Variants in PDE1A observed in about 807,000 individuals in gnomAD.
PDE1A encodes dual specificity calcium/calmodulin-dependent 3',5'-cyclic nucleotide phosphodiesterase 1A.
Under a neutral mutation model 61.7 loss-of-function variants are expected in PDE1A, and 35 were observed. The observed-to-expected ratio is 0.57, with a 90% CI of 0.43 to 0.75. The LOEUF (loss-of-function observed/expected upper bound fraction) is 0.75, where lower values mean the gene tolerates loss of function less well. Among genes scored for constraint, PDE1A ranks in the 30% least tolerant of loss-of-function variants. The pLI is 0.00. For synonymous variants in PDE1A, 232 were observed against 213.2 expected (o/e 1.09, Z -0.77); for missense variants, 597 against 630.6 (o/e 0.95, Z 0.57).
intron 1 of PDE1A, among the ~76,000 whole-genome samples, chr2:182,334,821 A>G (rs1180963030): frequency 6.6e-6 from 1 of 152,224 alleles, no homozygotes; most frequent in Non-Finnish European, 1.5e-5. Flanking sequence ...AAATAGGAAG[A>G]GAGGAAGTCA....
intron 1 of PDE1A, among the ~76,000 whole-genome samples, chr2:182,271,939 T>C (rs1693057460): frequency 2.0e-5 from 3 of 152,076 alleles, no homozygotes; most frequent in African/African-American, 7.2e-5. Flanking sequence ...AAAAACATGC[T>C]ACTTTTTAAA....
At chr2:182,179,049 G>A (rs1684528399) in intron 13 of PDE1A, among the ~76,000 whole-genome samples, 1 of 152,146 alleles carries the variant, frequency 6.6e-6, no homozygotes, top group Non-Finnish European at 1.5e-5. Context: ...ACCCTGGATT[G>A]ACCAGGCTTA....
the PDE1A span, among the ~76,000 whole-genome samples, chr2:182,594,345 G>A: frequency 9.2e-5 from 14 of 152,270 alleles, no homozygotes; most frequent in South Asian, 4.1e-4. Flanking sequence ...TTTGCACAGC[G>A]TATTTCTTGG....
chr2:182,458,373 G>GA (rs1342176325), intron 2 of PDE1A, among the ~76,000 whole-genome samples: 1 of 151,708 alleles, frequency 6.6e-6, no homozygotes, highest in African/African-American at 2.4e-5. Flanking sequence ...ATGTGCTTTT[G>GA]AAAAAAAAGA....
intron 1 of PDE1A, among the ~76,000 whole-genome samples, chr2:182,303,132 T>C (rs923804389): frequency 2.6e-5 from 4 of 152,222 alleles, no homozygotes; most frequent in African/African-American, 9.7e-5. Flanking sequence ...TTTGACTGCC[T>C]TTCAGGAATC....
intron 1 of PDE1A, among the ~76,000 whole-genome samples, chr2:182,326,965 TCA>T (rs1174364374): frequency 6.6e-6 from 1 of 152,218 alleles, no homozygotes; most frequent in East Asian, 1.9e-4. Context: ...CTTAAAAAGC[TCA>T]CAGACTATTT....
chr2:182,662,349 AAAC>A, the PDE1A span, among the ~76,000 whole-genome samples: 1 of 147,874 alleles, frequency 6.8e-6, no homozygotes, highest in Non-Finnish European at 1.5e-5. Flanking sequence ...AAGAAAAAAA[AAAC>A]AAAAAAAAAC....
At chr2:182,226,136 A>G (rs1482411360) in intron 6 of PDE1A, among the ~76,000 whole-genome samples, 4 of 149,746 alleles carry the variant, frequency 2.7e-5, no homozygotes, top group Non-Finnish European at 4.4e-5. Context: ...GGTTCAAATT[A>G]TGTATTTATA....
chr2:182,345,476 C>A (rs542772120), intron 1 of PDE1A, among the ~76,000 whole-genome samples: 20 of 152,286 alleles, frequency 1.3e-4, no homozygotes, highest in Non-Finnish European at 2.6e-4. Context: ...TGCCAAAAAC[C>A]ATCCATGTTT....
intron 1 of PDE1A, among the ~76,000 whole-genome samples, chr2:182,405,128 T>A (rs1295396444): frequency 6.6e-6 from 1 of 152,200 alleles, no homozygotes; most frequent in Non-Finnish European, 1.5e-5. Flanking sequence ...TTCAGTTCCA[T>A]TTTAATATTA....
chr2:182,567,194 C>T, the PDE1A span, among the ~76,000 whole-genome samples: 1 of 152,182 alleles, frequency 6.6e-6, no homozygotes, highest in South Asian at 2.1e-4. Context: ...GAGAACATTA[C>T]CAAGAATTAG....
intron 13 of PDE1A, among the ~76,000 whole-genome samples, chr2:182,174,330 T>C (rs1463975267): frequency 6.6e-6 from 1 of 151,846 alleles, no homozygotes; most frequent in Non-Finnish European, 1.5e-5. Context: ...CCTAGGTTTT[T>C]CACAGAGAAG....
chr2:182,644,985 ATTTTT>A, the PDE1A span, among the ~76,000 whole-genome samples: 1 of 128,130 alleles, frequency 7.8e-6, no homozygotes, highest in African/African-American at 2.8e-5. Context: ...TGTCTTCTGT[ATTTTT>A]TTTTTTTTTT....
intron 1 of PDE1A, among the ~76,000 whole-genome samples, chr2:182,285,393 T>C (rs1305680465): frequency 6.6e-6 from 1 of 152,114 alleles, no homozygotes; most frequent in Non-Finnish European, 1.5e-5. Flanking sequence ...GACCCTTATT[T>C]GTACCAAATT....
intron 1 of PDE1A, among the ~76,000 whole-genome samples, chr2:182,280,461 G>A (rs1693726538): frequency 1.3e-5 from 2 of 151,886 alleles, no homozygotes; most frequent in South Asian, 4.1e-4. Context: ...AAGAAAGTGT[G>A]TATGTGACAT....
the PDE1A span, among the ~76,000 whole-genome samples, chr2:182,563,197 C>G: frequency 1.2e-4 from 19 of 152,164 alleles, no homozygotes; most frequent in Middle Eastern, 3.4e-3. Flanking sequence ...GCATTTAGTG[C>G]TATAAATTTC....
chr2:182,678,846 A>C, the PDE1A span, among the ~76,000 whole-genome samples: 3 of 152,164 alleles, frequency 2.0e-5, no homozygotes, highest in African/African-American at 7.2e-5. Context: ...GTAGAAAGTC[A>C]TAGTTAAATA....
At chr2:182,613,093 T>C in the PDE1A span, among the ~76,000 whole-genome samples, 1 of 152,232 alleles carries the variant, frequency 6.6e-6, no homozygotes, top group South Asian at 2.1e-4. Context: ...AGTCCTGATT[T>C]AAATGTAATA....
intron 1 of PDE1A, among the ~76,000 whole-genome samples, chr2:182,336,947 T>G (rs1216350042): frequency 3.0e-5 from 4 of 133,232 alleles, no homozygotes; most frequent in Middle Eastern, 3.9e-3. Flanking sequence ...CTGCAGGTTC[T>G]GCACATGTAT....
Sources: allele counts gnomAD v4.1 joint callset (sites outside exome capture counted in the v4.1 genomes callset), GRCh38; gene constraint gnomAD v4.1.1; transcripts MANE v1.5; gene names NCBI Gene and HGNC (gene_info 2026-07-23, HGNC 2026-07-21).